The following SSBP3 variants were observed in gnomAD, a reference collection of about 807,000 sequenced individuals.
SSBP3 encodes single-stranded DNA-binding protein 3.
A neutral mutation model predicts 69.6 loss-of-function variants in SSBP3; 5 were observed. The ratio of observed to expected loss-of-function variants is 0.07; its 90% CI spans 0.04 to 0.15. SSBP3 has a LOEUF of 0.15. Among genes scored for constraint, SSBP3 ranks in the 10% least tolerant of loss-of-function variants. The pLI is 1.00. For missense variants in SSBP3, 312 were observed against 534.0 expected (o/e 0.58, Z 4.10); for synonymous variants, 196 against 193.4 (o/e 1.01, Z -0.11).
At chr1:54,230,884 T>C (rs1307688533) in intron 14 of SSBP3, among the ~76,000 whole-genome samples, 1 of 152,238 alleles carries the variant, frequency 6.6e-6, no homozygotes. Flanking sequence ...ACCGTATGGA[T>C]ATACCACATT....
At position 54,384,169 on chromosome 1, in the gene SSBP3, G is replaced by A. The variant is rs181980529; in HGVS notation, c.276+17692C>T. On this transcript the variant is annotated intron_variant, in intron 4 of 17. Coordinates refer to ENST00000610401, the Ensembl canonical transcript of SSBP3. ...AACAGTCACGGGGCTTCTAGCCCGAGAGGCCTCAGAAGTTGTCAAAAGGCT... is the reference window on the plus strand; with the variant it reads ...AACAGTCACGGGGCTTCTAGCCCGAAAGGCCTCAGAAGTTGTCAAAAGGCT... Among the ~76,000 whole-genome samples, 3 of 150,914 alleles carry A rather than the reference G, an allele frequency of 2.0e-5. No individual in the cohort carries two copies. The East Asian group carries it at 5.9e-4, about 30-fold the overall frequency.
chr1:54,345,144 A>G (rs1646668998), intron 4 of SSBP3, among the ~76,000 whole-genome samples: 2 of 152,214 alleles, frequency 1.3e-5, no homozygotes, highest in Non-Finnish European at 2.9e-5. Flanking sequence ...CAGCAGGCTC[A>G]GTCTCAGTTC....
intron 4 of SSBP3, among the ~76,000 whole-genome samples, chr1:54,292,251 C>T (rs1383046754): frequency 6.6e-6 from 1 of 152,224 alleles, no homozygotes; most frequent in East Asian, 1.9e-4. Context: ...TACCTGACTT[C>T]AACATCCACA....
chr1:54,267,574 A>G (rs1340504563), intron 5 of SSBP3, among the ~76,000 whole-genome samples: 1 of 152,152 alleles, frequency 6.6e-6, no homozygotes, highest in Non-Finnish European at 1.5e-5. Context: ...GAAGAAAAGG[A>G]AGGGGATTCT....
rs1421491737 is a variant in SSBP3 at position 54,329,205 on chromosome 1, G to A, written c.277-47678C>T. On this transcript the variant is annotated intron_variant, in intron 4 of 17. Coordinates refer to ENST00000610401, the Ensembl canonical transcript of SSBP3. ...AGGTGGATAGACCATCAAAGGCAGG[G>A]AGGGAGGCAAACAGCCTGTGACCCT... is the stretch of plus-strand genomic sequence containing the variant. Among the ~76,000 whole-genome samples, 3 of 152,286 alleles carry A rather than the reference G, an allele frequency of 2.0e-5. No individual in the cohort carries two copies. In the East Asian group the frequency reaches 5.8e-4, roughly 29 times the overall value.
intron 4 of SSBP3, among the ~76,000 whole-genome samples, chr1:54,375,329 G>C (rs1647201404): frequency 6.7e-6 from 1 of 149,606 alleles, no homozygotes; most frequent in African/African-American, 2.5e-5. Flanking sequence ...ACTTGGGGGG[G>C]ATCACACTGC....
chr1:54,238,548 G>C (rs1644542828), intron 14 of SSBP3: 5 of 359,816 alleles, frequency 1.4e-5, no homozygotes, highest in South Asian at 1.1e-4. Context: ...TCCAGTGGGT[G>C]CAGGGGACAC....
chr1:54,373,986 T>G (rs1647177203), intron 4 of SSBP3, among the ~76,000 whole-genome samples: 1 of 152,096 alleles, frequency 6.6e-6, no homozygotes, highest in Non-Finnish European at 1.5e-5. Context: ...CTAGACTCTT[T>G]CCTGCTGGAC....
At chr1:54,246,083 G>A (rs1416895809) in intron 9 of SSBP3, among the ~76,000 whole-genome samples, 1 of 152,176 alleles carries the variant, frequency 6.6e-6, no homozygotes, top group Non-Finnish European at 1.5e-5. Flanking sequence ...GTGCTGCCTT[G>A]TCTATAAAAT....
chr1:54,273,112 A>T (rs1412843791), intron 5 of SSBP3, among the ~76,000 whole-genome samples: 1 of 152,272 alleles, frequency 6.6e-6, no homozygotes, highest in Non-Finnish European at 1.5e-5. Context: ...GGGGCAGTCA[A>T]GGCCCAAGCA....
At chr1:54,240,034 A>G (rs1166632333) in intron 13 of SSBP3, among the ~76,000 whole-genome samples, 1 of 148,378 alleles carries the variant, frequency 6.7e-6, no homozygotes, top group Non-Finnish European at 1.5e-5. Flanking sequence ...GGAAAGAAAC[A>G]TAATTGTGAT....
chr1:54,307,389 G>A (rs575435097), intron 4 of SSBP3, among the ~76,000 whole-genome samples: 1 of 152,150 alleles, frequency 6.6e-6, no homozygotes, highest in African/African-American at 2.4e-5. Flanking sequence ...GTCTCCCCTA[G>A]CCCGGGCCAG....
Position 54,243,215 on chromosome 1 carries a change from CCGGGT to C in SSBP3, c.716+15_716+19del. 1 of 1,612,738 alleles carries C rather than the reference CCGGGT, an allele frequency of 6.2e-7. No homozygotes were observed. The highest frequency in any genetic ancestry group is 8.5e-7 in the Non-Finnish European group (1 of 1,178,868). ...GAAGACCTGGACTCTGAGCCACGGG[CCGGGT>C]CGTTTTTGCCTTACATGTTAATCCC... On this transcript the variant is annotated intron_variant, in intron 10 of 17. Coordinates refer to ENST00000610401, the Ensembl canonical transcript of SSBP3.
rs1013100809 is a variant in SSBP3 at position 54,251,609 on chromosome 1, T to G, written c.651+7A>C. 6.4e-7 allele frequency: 1 copy of G among 1,551,062 alleles called. No individual in the cohort carries two copies. ...GGGAGACGGACGGACAGACAGGCGG[T>G]GGTTACCTGTGGGCCGGGACCCATG... is the stretch of plus-strand genomic sequence containing the variant. On this transcript the variant is annotated splice_region_variant and intron_variant, in intron 9 of 17. Coordinates refer to ENST00000610401, the Ensembl canonical transcript of SSBP3.
intron 9 of SSBP3, among the ~76,000 whole-genome samples, chr1:54,245,441 G>C (rs1398964550): frequency 6.6e-6 from 1 of 152,228 alleles, no homozygotes; most frequent in African/African-American, 2.4e-5. Flanking sequence ...GACAGAATGG[G>C]AAGATGGAGA....
intron 9 of SSBP3, among the ~76,000 whole-genome samples, chr1:54,245,094 G>A (rs1450945944): frequency 6.6e-6 from 1 of 152,254 alleles, no homozygotes; most frequent in Non-Finnish European, 1.5e-5. Context: ...GAAGACCAAA[G>A]GGAGCCTGGC....
intron 4 of SSBP3, among the ~76,000 whole-genome samples, chr1:54,306,045 G>A (rs774558048): frequency 1.3e-4 from 20 of 151,670 alleles, no homozygotes; most frequent in Non-Finnish European, 2.8e-4. Context: ...TCCCCCAGCT[G>A]AAGGTTCTCC....
chr1:54,381,982 T>A (rs1647690659), intron 4 of SSBP3, among the ~76,000 whole-genome samples: 1 of 152,162 alleles, frequency 6.6e-6, no homozygotes, highest in South Asian at 2.1e-4. Flanking sequence ...TCATCTGAAG[T>A]CAGGAGTTCG....
intron 7 of SSBP3, among the ~76,000 whole-genome samples, chr1:54,254,797 A>C (rs578006327): frequency 6.6e-6 from 1 of 152,306 alleles, no homozygotes; most frequent in South Asian, 2.1e-4. Context: ...AGGTCACAGG[A>C]AACTGGAAAA....
Sources: allele counts gnomAD v4.1 joint callset (sites outside exome capture counted in the v4.1 genomes callset), GRCh38; gene constraint gnomAD v4.1.1; transcripts MANE v1.5; gene names NCBI Gene and HGNC (gene_info 2026-07-23, HGNC 2026-07-21).